Variants in ADGRL2 observed in about 807,000 individuals in gnomAD.
The protein encoded by ADGRL2 is calcium-independent alpha-latrotoxin receptor 2.
In ADGRL2, 44 loss-of-function variants were observed where a neutral mutation model predicts 157.4. That is an observed-to-expected ratio of 0.28 (90% CI 0.22 to 0.36). The LOEUF (loss-of-function observed/expected upper bound fraction) is 0.36. ADGRL2 is among the 10% of genes least tolerant of loss of function. ADGRL2 has a pLI of 1.00. For synonymous variants in ADGRL2, 585 were observed against 624.7 expected, an observed-to-expected ratio of 0.94 and a Z score of 0.95; for missense variants, 1,510 against 1,768.9, an observed-to-expected ratio of 0.85 and a Z score of 2.63.
intron 1 of ADGRL2, among the ~76,000 whole-genome samples, chr1:81,380,585 T>C (rs148771571): frequency 6.6e-6 from 1 of 152,326 alleles, no homozygotes; most frequent in African/African-American, 2.4e-5. Context: ...TTTTTCCAAA[T>C]TGCTAACCAT....
In ADGRL2 at chr1:81,952,944, A is replaced by G. The variant is rs547603424; in HGVS notation, c.1795-43A>G. On this transcript the variant is annotated intron_variant, in intron 9 of 23. Transcript: ENST00000686636. ...TTTCTTCTTTCCTCATTTTCAGCAGATAAAAATCTAACCTCTGATTTTTCT... is the reference window on the plus strand; with the variant it reads ...TTTCTTCTTTCCTCATTTTCAGCAGGTAAAAATCTAACCTCTGATTTTTCT... 6 of 1,492,954 alleles carry G rather than the reference A, an allele frequency of 4.0e-6. No individual in the cohort carries two copies. The East Asian group carries it at 1.1e-4, about 28-fold the overall frequency. The allele number at this position is 1,492,954 out of a possible 1,614,324, so 92.5% of individuals were successfully genotyped here.
At chr1:81,500,485 T>A (rs1226614508) in intron 2 of ADGRL2, among the ~76,000 whole-genome samples, 1 of 152,190 alleles carries the variant, frequency 6.6e-6, no homozygotes, top group Non-Finnish European at 1.5e-5. Context: ...AGGAATAAAA[T>A]TCTGACCCAT....
At chr1:81,414,864 C>G (rs1000691658) in intron 1 of ADGRL2, among the ~76,000 whole-genome samples, 2 of 152,158 alleles carry the variant, frequency 1.3e-5, no homozygotes, top group African/African-American at 4.8e-5. Context: ...CGATTTCACT[C>G]TCCTCCCAGT....
At chr1:81,832,603 A>G (rs2092023016) in intron 1 of ADGRL2, among the ~76,000 whole-genome samples, 2 of 152,244 alleles carry the variant, frequency 1.3e-5, no homozygotes, top group African/African-American at 2.4e-5. Context: ...TTCTGTATAA[A>G]TAGTTTAATT....
chr1:81,577,323 C>A (rs186834202), intron 2 of ADGRL2, among the ~76,000 whole-genome samples: 1 of 152,320 alleles, frequency 6.6e-6, no homozygotes, highest in Admixed American at 6.5e-5. Flanking sequence ...TCATCCCCTT[C>A]TACTCTTGTA....
At chr1:81,445,663 A>G (rs956246837) in intron 2 of ADGRL2, among the ~76,000 whole-genome samples, 1 of 152,164 alleles carries the variant, frequency 6.6e-6, no homozygotes, top group Non-Finnish European at 1.5e-5. Context: ...TATGAATTCT[A>G]TATTAAAGCG....
At chr1:81,474,478 G>A (rs2078232809) in intron 2 of ADGRL2, among the ~76,000 whole-genome samples, 1 of 152,112 alleles carries the variant, frequency 6.6e-6, no homozygotes, top group African/African-American at 2.4e-5. Context: ...GATGCTTCCT[G>A]GTATGCCTAC....
chr1:81,598,703 G>T (rs1350721874), intron 3 of ADGRL2, among the ~76,000 whole-genome samples: 1 of 152,184 alleles, frequency 6.6e-6, no homozygotes, highest in East Asian at 1.9e-4. Context: ...ATGTGGAAAA[G>T]TCCCAGCTGA....
intron 2 of ADGRL2, among the ~76,000 whole-genome samples, chr1:81,508,769 G>A (rs2079024795): frequency 6.6e-6 from 1 of 152,184 alleles, no homozygotes; most frequent in Non-Finnish European, 1.5e-5. Context: ...CATCTCATAA[G>A]GAATGTTCTC....
intron 1 of ADGRL2, among the ~76,000 whole-genome samples, chr1:81,359,866 C>T (rs149086407): frequency 3.9e-5 from 6 of 152,052 alleles, no homozygotes; most frequent in African/African-American, 1.4e-4. Flanking sequence ...TCTTCTCTTT[C>T]CCTCATCCTT....
chr1:81,957,893 T>C (rs1654085801), intron 11 of ADGRL2, among the ~76,000 whole-genome samples: 1 of 150,802 alleles, frequency 6.6e-6, no homozygotes, highest in Non-Finnish European at 1.5e-5. Context: ...CGGCCGGGCA[T>C]GGTGGCTCAT....
intron 23 of ADGRL2, among the ~76,000 whole-genome samples, chr1:81,988,696 G>C (rs774125007): frequency 1.3e-5 from 2 of 151,804 alleles, no homozygotes; most frequent in Non-Finnish European, 2.9e-5. Flanking sequence ...TCATTTTTTT[G>C]CTAATGATAA....
chr1:81,553,522 GT>G, intron 2 of ADGRL2, among the ~76,000 whole-genome samples: 1 of 152,214 alleles, frequency 6.6e-6, no homozygotes, highest in African/African-American at 2.4e-5. Flanking sequence ...GGGTACTGTT[GT>G]TTTTGATTTG....
At chr1:81,504,146 C>T (rs1178918691) in intron 2 of ADGRL2, among the ~76,000 whole-genome samples, 1 of 152,180 alleles carries the variant, frequency 6.6e-6, no homozygotes, top group East Asian at 1.9e-4. Flanking sequence ...GGCAGAGCCT[C>T]GGGGCTGCCC....
In ADGRL2 at chr1:81,568,113, TA is replaced by T. The variant is rs369620136; in HGVS notation, c.-247-12759del. On this transcript the variant is annotated intron_variant, in intron 2 of 24. Coordinates refer to the ADGRL2 transcript ENST00000370721. ...CAAAATTAACCATTAATATGATGGC[TA>T]AAATAGAAGGCAGATTTTCTCTTTA... is the stretch of plus-strand genomic sequence containing the variant. Among the ~76,000 whole-genome samples the T allele has an allele frequency of 2.5e-4, 38 of 152,204 alleles. No homozygotes were observed. In the East Asian group the frequency reaches 6.9e-3, roughly 28 times the overall value.
chr1:81,629,665 ATATG>A (rs777452740), intron 3 of ADGRL2, among the ~76,000 whole-genome samples: 19 of 90,486 alleles, frequency 2.1e-4, no homozygotes, highest in African/African-American at 7.2e-4. Flanking sequence ...GAATGAATGT[ATATG>A]TGTGTGTGTG....
At chr1:81,818,703 C>G (rs2090669370) in intron 1 of ADGRL2, among the ~76,000 whole-genome samples, 2 of 152,110 alleles carry the variant, frequency 1.3e-5, no homozygotes, top group South Asian at 4.1e-4. Flanking sequence ...ACTAGGTTCA[C>G]TAGGTTGTGA....
chr1:81,775,253 A>T (rs1179824813), intron 2 of ADGRL2, among the ~76,000 whole-genome samples: 1 of 152,226 alleles, frequency 6.6e-6, no homozygotes, highest in East Asian at 1.9e-4. Flanking sequence ...TACTTTAAAT[A>T]TAAAATGTCT....
chr1:81,943,534 CTA>C lies in ADGRL2; in HGVS notation c.977_978del (p.Tyr326CysfsTer3). On this transcript the variant is annotated frameshift_variant, in exon 6 of 24. Transcript: ENST00000686636. LOFTEE classifies it high-confidence loss of function. This position sits in a 1 kb window ranked among gnomAD's most constrained non-coding sequence, Gnocchi z 5.6. ...SNAFMICGVL[Y>X]VVRSVYQDNE... The stretch of plus-strand genomic sequence containing the variant: ...ATGCTTTTATGATATGCGGAGTCCT[CTA>C]TGTGGTTAGGTCAGTTTATCAAGAC... The C allele has an allele frequency of 6.2e-7, 1 of 1,613,704 alleles. No individual in the cohort carries two copies. The highest frequency in any genetic ancestry group is 2.2e-5 in the East Asian group (1 of 44,870).
Sources: gnomAD v4.1 joint callset for allele counts (sites outside exome capture counted in the v4.1 genomes callset) on GRCh38, gnomAD v4.1.1 for gene constraint, Gnocchi (gnomAD v3.1) non-coding constraint, MANE v1.5 for transcripts, NCBI Gene and HGNC (gene_info 2026-07-23, HGNC 2026-07-21) for gene names.